Variants in AFTPH observed in about 807,000 individuals in gnomAD.
AFTPH encodes the protein aftiphilin, also known as aftiphilin protein.
A neutral mutation model predicts 72.5 loss-of-function variants in AFTPH; 7 were observed. That is an observed-to-expected ratio of 0.10 (90% CI 0.05 to 0.18). The LOEUF (loss-of-function observed/expected upper bound fraction) is 0.18, where lower values mean the gene tolerates loss of function less well. AFTPH is among the 10% of genes least tolerant of loss of function. The probability of loss-of-function intolerance (pLI) is 1.00; values close to 1 mark genes in which losing one functional copy is unlikely to be tolerated. For missense variants in AFTPH, 979 were observed against 1,060.5 expected (o/e 0.92, Z 1.07); for synonymous variants, 337 against 370.1 (o/e 0.91, Z 1.03).
chr2:64,558,305 C>T (rs1391308336), intron 2 of AFTPH, among the ~76,000 whole-genome samples: 2 of 152,094 alleles, frequency 1.3e-5, no homozygotes, highest in East Asian at 3.8e-4. Flanking sequence ...GTCTTGGAAA[C>T]TGCAACTTTA....
At chr2:64,553,726 C>T (rs898707996) in intron 2 of AFTPH, among the ~76,000 whole-genome samples, 1 of 147,440 alleles carries the variant, frequency 6.8e-6, no homozygotes, top group Admixed American at 6.8e-5. Context: ...AAAACCCACA[C>T]TTATTACCTA....
intron 1 of AFTPH, among the ~76,000 whole-genome samples, chr2:64,528,135 A>G (rs1255599891): frequency 1.3e-5 from 2 of 152,270 alleles, no homozygotes; most frequent in African/African-American, 2.4e-5. Context: ...TTAATTTACT[A>G]GCACTGTATT....
rs969738351 is a variant in AFTPH at position 64,575,375 on chromosome 2, C to G, written c.2394+2307C>G. Among the ~76,000 whole-genome samples, 7 of 152,112 alleles carry G rather than the reference C, an allele frequency of 4.6e-5. No homozygotes were observed. In the South Asian group the frequency reaches 6.2e-4, roughly 14 times the overall value. ...GCTTGGTGGCTCATGCCTGTAATCT[C>G]AGCACTTTGGGATGCCAAGGCAGGT... On this transcript the variant is annotated intron_variant, in intron 6 of 8. Transcript: ENST00000238856.
intron 6 of AFTPH, among the ~76,000 whole-genome samples, chr2:64,575,701 A>G (rs12992838): frequency 8.7e-6 from 1 of 115,580 alleles, no homozygotes; most frequent in African/African-American, 3.3e-5. Flanking sequence ...GTATGTGTGT[A>G]TATGTGTGTG....
chr2:64,571,317 C>T (rs1364799160), intron 5 of AFTPH, among the ~76,000 whole-genome samples: 1 of 150,676 alleles, frequency 6.6e-6, no homozygotes, highest in Non-Finnish European at 1.5e-5. Context: ...AGAATTTGCA[C>T]GTCTGACAAG....
At chr2:64,586,118 T>A (rs1673487470) in intron 8 of AFTPH, among the ~76,000 whole-genome samples, 1 of 152,224 alleles carries the variant, frequency 6.6e-6, no homozygotes, top group Non-Finnish European at 1.5e-5. Context: ...ACTCGGGCCA[T>A]GTGTTTGCGA....
chr2:64,553,301 T>C (rs1671160433), exon 2 of AFTPH: 1 of 1,613,948 alleles, frequency 6.2e-7, no homozygotes, highest in Non-Finnish European at 8.5e-7. Flanking sequence ...ATAGGACAGA[T>C]GAAAATATTG....
intron 2 of AFTPH, among the ~76,000 whole-genome samples, chr2:64,564,457 T>C (rs941321810): frequency 5.9e-5 from 9 of 151,980 alleles, no homozygotes; most frequent in African/African-American, 2.2e-4. Flanking sequence ...AGATTATAAA[T>C]GCAGAAACTG....
intron 8 of AFTPH, among the ~76,000 whole-genome samples, chr2:64,589,921 C>T (rs1673716176): frequency 7.6e-6 from 1 of 131,026 alleles, no homozygotes; most frequent in South Asian, 2.6e-4. Flanking sequence ...TCTTTCAGAT[C>T]TTTTCCTATG....
intron 1 of AFTPH, among the ~76,000 whole-genome samples, chr2:64,533,970 C>G (rs1669760984): frequency 6.6e-6 from 1 of 152,026 alleles, no homozygotes; most frequent in Non-Finnish European, 1.5e-5. Flanking sequence ...AGCAAAACTC[C>G]TAGGAGTAGG....
chr2:64,559,565 G>C (rs1389770157), intron 2 of AFTPH, among the ~76,000 whole-genome samples: 1 of 152,164 alleles, frequency 6.6e-6, no homozygotes, highest in Non-Finnish European at 1.5e-5. Context: ...TAGCATTTTT[G>C]TTCTATTCAG....
At chr2:64,534,997 G>A (rs1297836915) in intron 1 of AFTPH, among the ~76,000 whole-genome samples, 6 of 151,996 alleles carry the variant, frequency 3.9e-5, no homozygotes, top group South Asian at 2.1e-4. Context: ...GAGTATTGAC[G>A]ATTTAATATT....
chr2:64,557,460 G>T (rs1671446401), intron 2 of AFTPH, among the ~76,000 whole-genome samples: 1 of 152,190 alleles, frequency 6.6e-6, no homozygotes. Flanking sequence ...ACCTTGGCTT[G>T]TGTTAGTTCA....
intron 5 of AFTPH, 69 bp downstream of exon 5, chr2:64,569,748 ACACTT>A: frequency 1.4e-6 from 2 of 1,406,352 alleles, no homozygotes; most frequent in Non-Finnish European, 2.0e-6. Context: ...ATCTTAAAAT[ACACTT>A]CTATGTCATG....
At chr2:64,524,406 G>C (rs1669118317) in exon 1 of AFTPH, 1 of 404,696 alleles carries the variant, frequency 2.5e-6, no homozygotes, top group Non-Finnish European at 4.4e-6. Context: ...GGCGGCGGAA[G>C]AGGGCGGAGG....
chr2:64,585,279 G>A (rs1673439433), intron 7 of AFTPH, 143 bp from the exon 9 acceptor site: 2 of 929,978 alleles, frequency 2.2e-6, no homozygotes, highest in Middle Eastern at 4.9e-4. Flanking sequence ...AAAAATAAAT[G>A]CAGTATTGCA....
At chr2:64,569,490 G>A (rs1672290427) in intron 4 of AFTPH, 133 bp from the exon 5 acceptor site, 32 of 1,065,486 alleles carry the variant, frequency 3.0e-5, no homozygotes, top group Admixed American at 9.5e-5. Context: ...ACCCATATGG[G>A]CAATTTTTAA....
At chr2:64,588,799 C>T (rs925599129) in intron 8 of AFTPH, among the ~76,000 whole-genome samples, 4 of 152,030 alleles carry the variant, frequency 2.6e-5, no homozygotes, top group East Asian at 1.9e-4. Context: ...TGCCCCAGGC[C>T]GGTCTTGAAC....
intron 1 of AFTPH, among the ~76,000 whole-genome samples, chr2:64,548,668 G>T (rs1018745003): frequency 6.6e-6 from 1 of 152,070 alleles, no homozygotes; most frequent in African/African-American, 2.4e-5. Context: ...ATCGCAAAGT[G>T]ATTTTAAATA....
Sources: gnomAD v4.1 joint callset for allele counts (sites outside exome capture counted in the v4.1 genomes callset) on GRCh38, gnomAD v4.1.1 for gene constraint, MANE v1.5 for transcripts, NCBI Gene and HGNC (gene_info 2026-07-23, HGNC 2026-07-21) for gene names.